Variants in MAST4 observed in about 807,000 individuals in gnomAD.
MAST4 encodes the protein microtubule associated serine/threonine kinase family member 4.
Under a neutral mutation model 162.7 loss-of-function variants are expected in MAST4, and 89 were observed. That is an observed-to-expected ratio of 0.55 (90% CI 0.46 to 0.65). The LOEUF is 0.65. Ranked by LOEUF, MAST4 falls within the 30% of genes least tolerant of loss-of-function variation. The pLI, the probability that MAST4 is intolerant of heterozygous loss-of-function variation, is 0.00. For synonymous variants in MAST4, 1,479 were observed against 1,361.1 expected, an observed-to-expected ratio of 1.09 and a Z score of -1.91; for missense variants, 3,153 against 3,374.0, an observed-to-expected ratio of 0.93 and a Z score of 1.62.
chr5:66,644,843 A>C (rs1439518821), intron 1 of MAST4, among the ~76,000 whole-genome samples: 1 of 151,242 alleles, frequency 6.6e-6, no homozygotes, highest in Non-Finnish European at 1.5e-5. Context: ...TCATTGCCAG[A>C]CTCTGACTGT....
intron 4 of MAST4, among the ~76,000 whole-genome samples, chr5:66,984,283 C>A (rs76777364): frequency 9.9e-5 from 15 of 152,234 alleles, no homozygotes; most frequent in African/African-American, 3.6e-4. Context: ...GCAAAAGCCT[C>A]CCAAGTAAAG....
At chr5:66,639,327 A>G (rs921742654) in intron 1 of MAST4, among the ~76,000 whole-genome samples, 1 of 115,998 alleles carries the variant, frequency 8.6e-6, no homozygotes, top group Admixed American at 9.7e-5. Flanking sequence ...AAGAAGAAAC[A>G]GAAAACTGGA....
chr5:67,142,349 A>T (rs1770497845), intron 20 of MAST4, 72 bp from the exon 21 acceptor site: 2 of 1,518,272 alleles, frequency 1.3e-6, no homozygotes, highest in Non-Finnish European at 1.8e-6. Context: ...GTTGATCCAG[A>T]AAATCATAAT....
chr5:67,108,646 T>A (rs894610279), intron 10 of MAST4, among the ~76,000 whole-genome samples: 11 of 152,152 alleles, frequency 7.2e-5, no homozygotes, highest in Non-Finnish European at 1.5e-4. Context: ...CATTTTTCCT[T>A]TTATTTTAAT....
chr5:67,133,488 G>A, intron 16 of MAST4, 26 bp from the exon 17 acceptor site: 1 of 1,610,630 alleles, frequency 6.2e-7, no homozygotes, highest in South Asian at 1.1e-5. Flanking sequence ...AGTGATTATT[G>A]TGTTACATGT....
intron 1 of MAST4, among the ~76,000 whole-genome samples, chr5:66,612,890 A>T (rs1743385381): frequency 6.6e-6 from 1 of 152,204 alleles, no homozygotes; most frequent in Non-Finnish European, 1.5e-5. Flanking sequence ...GGAGGAATAT[A>T]ATTGACATGT....
chr5:66,962,718 A>G (rs1402679088), intron 4 of MAST4, among the ~76,000 whole-genome samples: 2 of 152,140 alleles, frequency 1.3e-5, no homozygotes, highest in Non-Finnish European at 2.9e-5. Context: ...AACAACAACA[A>G]CAAAAGACAG....
intron 26 of MAST4, among the ~76,000 whole-genome samples, chr5:67,156,335 T>C (rs1043119191): frequency 6.6e-6 from 1 of 152,178 alleles, no homozygotes; most frequent in Non-Finnish European, 1.5e-5. Flanking sequence ...CTGCACTTTT[T>C]CCACTACCAC....
At chr5:66,914,251 T>G (rs924525417) in intron 4 of MAST4, among the ~76,000 whole-genome samples, 2 of 152,064 alleles carry the variant, frequency 1.3e-5, no homozygotes, top group Non-Finnish European at 1.5e-5. Context: ...GTCTAAGAGA[T>G]GGATTAAAGA....
intron 2 of MAST4, among the ~76,000 whole-genome samples, chr5:66,778,728 A>C (rs1754715218): frequency 6.6e-6 from 1 of 152,204 alleles, no homozygotes; most frequent in South Asian, 2.1e-4. Flanking sequence ...TTTATCTTTG[A>C]ATCACCTTGC....
intron 4 of MAST4, among the ~76,000 whole-genome samples, chr5:66,911,351 G>A (rs943822374): frequency 3.9e-5 from 6 of 152,146 alleles, no homozygotes; most frequent in Admixed American, 3.9e-4. Flanking sequence ...ATGGTGGCAG[G>A]AACCTGACCT....
chr5:66,680,503 C>A (rs917909906), intron 1 of MAST4, among the ~76,000 whole-genome samples: 2 of 152,178 alleles, frequency 1.3e-5, no homozygotes, highest in Non-Finnish European at 2.9e-5. Context: ...TTCAGCTTCT[C>A]ACTGAAGGCT....
intron 2 of MAST4, among the ~76,000 whole-genome samples, chr5:66,778,881 T>C (rs552140782): frequency 4.6e-5 from 7 of 152,322 alleles, no homozygotes; most frequent in African/African-American, 1.7e-4. Flanking sequence ...TTCTGTTGTT[T>C]TTCACCCATC....
intron 1 of MAST4, among the ~76,000 whole-genome samples, chr5:66,687,573 T>C (rs1409485684): frequency 6.6e-6 from 1 of 151,192 alleles, no homozygotes; most frequent in Non-Finnish European, 1.5e-5. Flanking sequence ...TATATACACA[T>C]GTATATGTGT....
intron 4 of MAST4, among the ~76,000 whole-genome samples, chr5:66,976,195 A>G (rs1489181850): frequency 6.6e-6 from 1 of 152,204 alleles, no homozygotes; most frequent in African/African-American, 2.4e-5. Flanking sequence ...TGAGACTCCA[A>G]GAAAAAGCCA....
intron 4 of MAST4, among the ~76,000 whole-genome samples, chr5:66,947,558 T>G (rs1443016660): frequency 6.6e-6 from 1 of 152,158 alleles, no homozygotes; most frequent in Non-Finnish European, 1.5e-5. Flanking sequence ...TCCCACTCAC[T>G]TTACTACTCA....
intron 3 of MAST4, among the ~76,000 whole-genome samples, chr5:66,837,725 T>C (rs899522329): frequency 2.0e-5 from 3 of 151,594 alleles, no homozygotes; most frequent in Admixed American, 6.6e-5. Context: ...CCACTGCTCT[T>C]AGGGGACTAG....
chr5:66,830,208 C>G (rs1757508508), intron 3 of MAST4, among the ~76,000 whole-genome samples: 1 of 152,110 alleles, frequency 6.6e-6, no homozygotes, highest in Admixed American at 6.6e-5. Context: ...TGTGAGTTTT[C>G]TCTTTCCTTT....
chr5:66,909,075 A>T (rs71626462), intron 4 of MAST4, among the ~76,000 whole-genome samples: 1 of 152,108 alleles, frequency 6.6e-6, no homozygotes, highest in Non-Finnish European at 1.5e-5. Flanking sequence ...GTTGAGTTAG[A>T]CAAAAGACCA....
Sources: allele counts gnomAD v4.1 joint callset (sites outside exome capture counted in the v4.1 genomes callset), GRCh38; gene constraint gnomAD v4.1.1; transcripts MANE v1.5; gene names NCBI Gene and HGNC (gene_info 2026-07-23, HGNC 2026-07-21).